PLCE1: variants seen among roughly 807,000 people sequenced by gnomAD.
PLCE1 encodes phospholipase C epsilon 1.
PLCE1 carries 119 observed loss-of-function variants against 242.8 expected under a neutral mutation model. The ratio of observed to expected loss-of-function variants is 0.49; its 90% CI spans 0.42 to 0.57. The LOEUF (loss-of-function observed/expected upper bound fraction) is 0.57. Among genes scored for constraint, PLCE1 ranks in the 20% least tolerant of loss-of-function variants. PLCE1 has a pLI of 0.00. For missense variants in PLCE1, 2,441 were observed against 2,788.8 expected (o/e 0.88, Z 2.81); for synonymous variants, 945 against 1,017.4 (o/e 0.93, Z 1.35).
chr10:94,073,189 C>T (rs770904991), intron 2 of PLCE1, among the ~76,000 whole-genome samples: 3 of 150,886 alleles, frequency 2.0e-5, no homozygotes, highest in African/African-American at 7.3e-5. Context: ...AGTTCATGAT[C>T]GTTTCTTTTT....
At chr10:94,071,495 G>GTTTTTTTTTTTTGTTTTTGT in intron 2 of PLCE1, among the ~76,000 whole-genome samples, 1 of 83,316 alleles carries the variant, frequency 1.2e-5, no homozygotes, top group Admixed American at 1.5e-4. Context: ...TTTGGTTTTC[G>GTTTTTTTTTTTTGTTTTTGT]TTTTTTTTTT....
Position 94,254,862 on chromosome 10 carries a change from A to C in PLCE1, c.3398-31A>C, listed in dbSNP as rs556445857. On this transcript the variant is annotated intron_variant, in intron 10 of 32. Transcript: ENST00000371380. ...TCTGAGGGAAAGTATAATCTGAGTC[A>C]TTCTCTCTTTTCTGTCTTTCATCCT... 6.2e-6 allele frequency: 10 copies of C among 1,611,396 alleles called. No homozygotes were observed. In the African/African-American group the frequency reaches 9.3e-5, roughly 15 times the overall value.
At chr10:94,011,231 C>T (rs116421153) in intron 1 of PLCE1, among the ~76,000 whole-genome samples, 147 of 152,130 alleles carry the variant, frequency 9.7e-4, no homozygotes, top group African/African-American at 3.1e-3. Flanking sequence ...TGTCACATTA[C>T]CAAAGAGCAA....
intron 24 of PLCE1, 71 bp from the exon 25 acceptor site, chr10:94,304,411 C>T: frequency 2.2e-6 from 3 of 1,392,166 alleles, no homozygotes; most frequent in South Asian, 1.2e-5. Flanking sequence ...TTTGAACTTT[C>T]AATTTATAAG....
At chr10:94,291,425 T>C (rs1444161970) in intron 22 of PLCE1, among the ~76,000 whole-genome samples, 1 of 152,148 alleles carries the variant, frequency 6.6e-6, no homozygotes, top group African/African-American at 2.4e-5. Context: ...AAAACACAGA[T>C]GAGAGGAAGA....
rs1014636234 is a variant in PLCE1 at position 94,088,973 on chromosome 10, C to G, written c.1207-43201C>G. 8.5e-6 allele frequency: 9 copies of G among 1,055,206 alleles called. No homozygotes were observed. In the African/African-American group the frequency reaches 1.4e-4, roughly 17 times the overall value. The allele number at this position is 1,055,206 out of a possible 1,614,324, so 65.4% of individuals were successfully genotyped here. A position where few individuals can be genotyped will look rare whatever the true frequency, so the allele number is the denominator to read the frequency against. On this transcript the variant is annotated intron_variant, in intron 2 of 32. Coordinates refer to ENST00000371380, the MANE Select transcript of PLCE1 (RefSeq NM_016341.4). Reference sequence around the variant, plus strand: ...TGCCCTGACTCTGGATCGCAGCCCTCCCTCGATTCTGGGTATTACATCATT... The same window carrying G: ...TGCCCTGACTCTGGATCGCAGCCCTGCCTCGATTCTGGGTATTACATCATT...
chr10:94,066,795 A>G (rs1161953667), intron 2 of PLCE1, among the ~76,000 whole-genome samples: 2 of 152,170 alleles, frequency 1.3e-5, no homozygotes, highest in African/African-American at 4.8e-5. Flanking sequence ...AAACTTTTGG[A>G]TGACACACAA....
At chr10:93,999,002 AG>A (rs2060881310) in intron 1 of PLCE1, among the ~76,000 whole-genome samples, 1 of 152,190 alleles carries the variant, frequency 6.6e-6, no homozygotes, top group African/African-American at 2.4e-5. Flanking sequence ...TAGAGCCTCC[AG>A]AAGGAATGTA....
intron 3 of PLCE1, among the ~76,000 whole-genome samples, chr10:94,162,286 T>G (rs1003569269): frequency 2.0e-5 from 3 of 152,206 alleles, no homozygotes; most frequent in African/African-American, 7.2e-5. Flanking sequence ...CATCTGGTCC[T>G]GGACTTTTTT....
In PLCE1 at chr10:94,246,309, A is replaced by C. The variant is rs780303607; in HGVS notation, c.2784A>C (p.Leu928Phe). 6.2e-7 allele frequency: 1 copy of C among 1,614,188 alleles called. No homozygotes were observed. The highest frequency in any genetic ancestry group is 8.5e-7 in the Non-Finnish European group (1 of 1,180,020). The change falls in exon 8 of 33, where the codon TTA becomes TTC. Residue 928 changes from leucine to phenylalanine, a missense_variant. Transcript: ENST00000371380. ...TCCCACTACTGGGTAATGCTGGATT[A>C]AGTAGCCTGACGGAAGGGGTCTTGG... ...GKFPLLGNAG[L>F]SSLTEGVLDL...
In PLCE1 at chr10:94,031,350, C is replaced by G; in HGVS notation, c.304C>G (p.Leu102Val). 1.9e-6 allele frequency: 3 copies of G among 1,613,866 alleles called. No individual in the cohort carries two copies. Among genetic ancestry groups the G allele is most frequent in the Non-Finnish European group, 2.5e-6 (3 of 1,179,878 alleles). Residue 102 changes from leucine to valine, a missense_variant, in exon 2 of 33, where the codon CTT becomes GTT. By Grantham distance (32) the Leu-to-Val change is conservative. Transcript: ENST00000371380. ...EKIMPDSAKN[L>V]NINCNNILRN... ...AATCATGCCAGATTCTGCGAAAAACCTTAACATTAACTGCAACAACATATT... is the reference window on the plus strand; with the variant it reads ...AATCATGCCAGATTCTGCGAAAAACGTTAACATTAACTGCAACAACATATT...
intron 4 of PLCE1, among the ~76,000 whole-genome samples, chr10:94,226,378 A>G (rs1253596972): frequency 6.6e-6 from 1 of 152,184 alleles, no homozygotes; most frequent in Non-Finnish European, 1.5e-5. Context: ...GCTACCTTCA[A>G]CGTGGTTGAA....
intron 4 of PLCE1, among the ~76,000 whole-genome samples, chr10:94,192,819 C>T (rs563144167): frequency 6.6e-6 from 1 of 152,280 alleles, no homozygotes; most frequent in Admixed American, 6.5e-5. Flanking sequence ...TCCCTTTTCT[C>T]CATAGCCTCA....
rs988791497 is a variant in PLCE1 at position 94,298,237 on chromosome 10, C to T, written c.5168-142C>T. ...CACCATGTTGTTTTAAAGTGGCGAA[C>T]TAACTCACAAGTAAAATCCAAGAGG... On this transcript the variant is annotated intron_variant, in intron 23 of 32. Coordinates refer to ENST00000371380, the MANE Select transcript of PLCE1 (RefSeq NM_016341.4). This position sits in a 1 kb window ranked among gnomAD's most constrained non-coding sequence, Gnocchi z 5.2. The T allele has an allele frequency of 2.7e-6, 2 of 744,602 alleles. No individual in the cohort carries two copies. Among genetic ancestry groups the T allele is most frequent in the Non-Finnish European group, 4.5e-6 (2 of 440,712 alleles). 46.1% of individuals were successfully genotyped at this position (744,602 alleles called of 1,614,324 possible).
In PLCE1 at chr10:94,234,165, G is replaced by A; in HGVS notation, c.2067G>A (p.Lys689=). The A allele has an allele frequency of 1.2e-6, 2 of 1,614,178 alleles. No homozygotes were observed. Among genetic ancestry groups the A allele is most frequent in the South Asian group, 2.2e-5 (2 of 91,080 alleles). Residue 689 remains lysine, a synonymous_variant, in exon 6 of 33, where the codon AAG becomes AAA. Coordinates refer to ENST00000371380, the MANE Select transcript of PLCE1 (RefSeq NM_016341.4). ...ATGAGTCCTCTTGTGAGTACAGAAA[G>A]GTGGTGACACGTGCCCTGCACATCC... ...AQHESSCEYR[K]VVTRALHIPG... is the part of the protein sequence containing the mutation.
At chr10:94,108,328 C>G (rs2045830682) in intron 2 of PLCE1, 1 of 152,276 alleles carries the variant, frequency 6.6e-6, no homozygotes, top group Non-Finnish European at 1.5e-5. Context: ...CCCTGGCTCA[C>G]AGGTTCTGTG....
At chr10:94,223,476 C>G (rs953456062) in intron 4 of PLCE1, among the ~76,000 whole-genome samples, 1 of 151,994 alleles carries the variant, frequency 6.6e-6, no homozygotes, top group African/African-American at 2.4e-5. Flanking sequence ...TTGAATGATG[C>G]AAGAAAATTC....
intron 2 of PLCE1, among the ~76,000 whole-genome samples, chr10:94,053,848 A>T (rs1003030478): frequency 1.3e-5 from 2 of 152,184 alleles, no homozygotes; most frequent in Non-Finnish European, 2.9e-5. Context: ...GGAAAACAGA[A>T]GTTATTTCAT....
At chr10:94,285,728 T>C (rs761578823) in intron 22 of PLCE1, among the ~76,000 whole-genome samples, 3 of 152,186 alleles carry the variant, frequency 2.0e-5, no homozygotes, top group Non-Finnish European at 4.4e-5. Context: ...AGTGCTCTGA[T>C]GGTCTGGATC....
Sources: allele counts gnomAD v4.1 joint callset (sites outside exome capture counted in the v4.1 genomes callset), GRCh38; gene constraint gnomAD v4.1.1; non-coding constraint Gnocchi (gnomAD v3.1); transcripts MANE v1.5; gene names NCBI Gene and HGNC (gene_info 2026-07-23, HGNC 2026-07-21).